CCDC186: variants seen among roughly 807,000 people sequenced by gnomAD.
CCDC186 encodes the protein coiled-coil domain containing 186, also known as coiled-coil domain-containing protein 186.
Under a neutral mutation model 113.7 loss-of-function variants are expected in CCDC186, and 49 were observed. That is an observed-to-expected ratio of 0.43 (90% CI 0.34 to 0.55). The LOEUF is 0.55. CCDC186 is among the 20% of genes least tolerant of loss of function. CCDC186 has a pLI of 0.02. For missense variants in CCDC186, 890 were observed against 1,011.1 expected, an observed-to-expected ratio of 0.88 and a Z score of 1.62; for synonymous variants, 355 against 345.8, an observed-to-expected ratio of 1.03 and a Z score of -0.30.
In CCDC186 at chr10:114,124,701, T is replaced by G. The variant is rs1412129994; in HGVS notation, c.*442A>C. On this transcript the variant is annotated 3_prime_UTR_variant, in exon 16 of 16. Transcript: ENST00000369287. Reference sequence around the variant, plus strand: ...GCTGGAGTGTAAAAATAAACATTTTTATCATTTGTTTTAGTTGTCTTGATG... The same window carrying G: ...GCTGGAGTGTAAAAATAAACATTTTGATCATTTGTTTTAGTTGTCTTGATG... The G allele has an allele frequency of 6.5e-6, 1 of 153,072 alleles. No individual in the cohort carries two copies. The highest frequency in any genetic ancestry group is 2.4e-5 in the African/African-American group (1 of 41,518). 9.5% of individuals were successfully genotyped at this position (153,072 alleles called of 1,614,324 possible). A position where few individuals can be genotyped will look rare whatever the true frequency, so the allele number is the denominator to read the frequency against.
chr10:114,138,306 TTTTTG>T (rs1442284593), intron 6 of CCDC186, among the ~76,000 whole-genome samples: 6 of 20,058 alleles, frequency 3.0e-4, no homozygotes, highest in Admixed American at 7.1e-4. Flanking sequence ...TTTTTTTTTT[TTTTTG>T]GAGACAGCGT....
Position 114,144,477 on chromosome 10 carries a change from CA to C in CCDC186, c.1221+19del. 6.3e-7 allele frequency: 1 copy of C among 1,585,682 alleles called. No homozygotes were observed. The highest frequency in any genetic ancestry group is 1.9e-5 in the Admixed American group (1 of 52,852). On this transcript the variant is annotated intron_variant, in intron 6 of 15. Transcript: ENST00000369287. ...AAAAAACTCATTCTAATCATTATTC[CA>C]TTGTATTACAGTACGTACCTTGTGT... is the stretch of plus-strand genomic sequence containing the variant.
chr10:114,137,115 T>TA (rs1242843017), intron 7 of CCDC186, 71 bp downstream of exon 7: 2 of 1,221,684 alleles, frequency 1.6e-6, no homozygotes, highest in African/African-American at 1.5e-5. Flanking sequence ...AGACTCCATC[T>TA]AAAAAAAGAA....
chr10:114,138,337 A>T (rs1169168818), intron 6 of CCDC186, among the ~76,000 whole-genome samples: 2 of 134,880 alleles, frequency 1.5e-5, no homozygotes, highest in East Asian at 4.8e-4. Context: ...TCTGTCACTC[A>T]GGCTTGAGTA....
At chr10:114,152,177 C>A (rs2031876237) in intron 3 of CCDC186, among the ~76,000 whole-genome samples, 1 of 151,964 alleles carries the variant, frequency 6.6e-6, no homozygotes, top group African/African-American at 2.4e-5. Context: ...CCAATCTCTA[C>A]AAAAAATTTT....
At chr10:114,169,802 C>T (rs80221713) in intron 1 of CCDC186, among the ~76,000 whole-genome samples, 3,740 of 152,270 alleles carry the variant, frequency 0.025, 159 homozygotes, top group African/African-American at 0.085. Flanking sequence ...AACGCATCCA[C>T]ACAGTTCAAT....
chr10:114,148,999 T>C (rs2031730661), intron 4 of CCDC186, among the ~76,000 whole-genome samples: 1 of 152,240 alleles, frequency 6.6e-6, no homozygotes, highest in Admixed American at 6.5e-5. Flanking sequence ...CAAGTGTTCA[T>C]TTTACTAATC....
At chr10:114,156,910 A>G (rs1037582817) in intron 3 of CCDC186, among the ~76,000 whole-genome samples, 1 of 152,172 alleles carries the variant, frequency 6.6e-6, no homozygotes, top group Non-Finnish European at 1.5e-5. Flanking sequence ...ATAAACTTTT[A>G]TATTTCCATT....
In CCDC186 at chr10:114,145,656, G is replaced by C. The variant is rs755942104; in HGVS notation, c.994C>G (p.Leu332Val). Residue 332 changes from leucine to valine, a missense_variant, in exon 5 of 16, where the codon CTT becomes GTT. By Grantham distance (32) the Leu-to-Val change is conservative (BLOSUM62 1). Coordinates refer to ENST00000369287, the MANE Select transcript of CCDC186 (RefSeq NM_018017.4). ...TTTGCATCTCTAAGTTTTTTCTCAAGTGTCTCTTTTTCCTTTCGAAGATCT... is the reference window on the plus strand; with the variant it reads ...TTTGCATCTCTAAGTTTTTTCTCAACTGTCTCTTTTTCCTTTCGAAGATCT... ...SLDLRKEKET[L>V]EKKLRDANKE... 6 of 1,613,210 alleles carry C rather than the reference G, an allele frequency of 3.7e-6. No individual in the cohort carries two copies. In the East Asian group the frequency reaches 1.3e-4, roughly 36 times the overall value.
At chr10:114,137,911 C>T (rs541381996) in intron 6 of CCDC186, among the ~76,000 whole-genome samples, 1 of 152,002 alleles carries the variant, frequency 6.6e-6, no homozygotes, top group African/African-American at 2.4e-5. Context: ...TGGCGCATGC[C>T]TGTAACCTCA....
rs2032210923 is a variant in CCDC186 at position 114,162,703 on chromosome 10, T to G, written c.566A>C (p.His189Pro). 6.2e-7 allele frequency: 1 copy of G among 1,612,518 alleles called. No homozygotes were observed. The highest frequency in any genetic ancestry group is 1.3e-5 in the African/African-American group (1 of 74,950). ...ACACTTTTCAAACAGAACTAATGCATGTTCTCCCTTATTCATTCCATTTGG... is the reference window on the plus strand; with the variant it reads ...ACACTTTTCAAACAGAACTAATGCAGGTTCTCCCTTATTCATTCCATTTGG... The part of the protein sequence containing the change: ...RVPNGMNKGE[H>P]ALVLFEKCVQ... The change falls in exon 2 of 16, where the codon CAT becomes CCT. Residue 189 changes from histidine (H) to proline (P), a missense_variant. His to Pro is a moderately conservative substitution (Grantham distance 77). Transcript: ENST00000369287.
chr10:114,137,099 A>G, intron 7 of CCDC186, 87 bp downstream of exon 7: 1 of 971,436 alleles, frequency 1.0e-6, no homozygotes, highest in Non-Finnish European at 1.6e-6. Context: ...CCCGGGCGAC[A>G]GAGCGAGACT....
Position 114,162,986 on chromosome 10 carries a change from T to C in CCDC186, c.283A>G (p.Asn95Asp), listed in dbSNP as rs2032224505. Residue 95 changes from asparagine (N) to aspartate (D), a missense_variant, in exon 2 of 16, where the codon AAT (asparagine) becomes GAT (aspartate). Transcript: ENST00000369287. ...TTAGCAAAATTTCCACTAGGAAAAT[T>C]AGCTATTTGTTCAGAATTTTCTGAG... is the stretch of plus-strand genomic sequence containing the variant. Reference protein sequence around the residue: ...TGSENSEQIANFPSGNFAKHI... With the variant: ...TGSENSEQIADFPSGNFAKHI... 1.2e-6 allele frequency: 2 copies of C among 1,613,894 alleles called. No individual in the cohort carries two copies. The highest frequency in any genetic ancestry group is 1.3e-5 in the African/African-American group (1 of 74,932).
At position 114,163,072 on chromosome 10, in the gene CCDC186, T is replaced by C. The variant is rs1285832292; in HGVS notation, c.197A>G (p.Gln66Arg). 3.1e-6 allele frequency: 5 copies of C among 1,614,160 alleles called. No homozygotes were observed. Among genetic ancestry groups the C allele is most frequent in the Non-Finnish European group, 4.2e-6 (5 of 1,179,992 alleles). ...ACCATGATCTGGAATATAATTTTCCTGGGCTTCAATTCGATTATTATGCTC... is the reference window on the plus strand; with the variant it reads ...ACCATGATCTGGAATATAATTTTCCCGGGCTTCAATTCGATTATTATGCTC... ...PNEHNNRIEA[Q>R]ENYIPDHGGG... Residue 66 changes from glutamine to arginine, a missense_variant, in exon 2 of 16, where the codon CAG becomes CGG. Transcript: ENST00000369287.
chr10:114,129,527 A>G (rs1480766567), intron 13 of CCDC186, among the ~76,000 whole-genome samples: 1 of 152,086 alleles, frequency 6.6e-6, no homozygotes, highest in East Asian at 1.9e-4. Context: ...TTTTAAAATA[A>G]AAAATGCTAT....
chr10:114,145,762 C>T lies in CCDC186; in HGVS notation c.889-1G>A. ...GTGCCTCTTCACATTTCTTGTTGGC[C>T]TTCAAAAAAAATATTACTTAGCATT... is the stretch of plus-strand genomic sequence containing the variant. On this transcript the variant is annotated splice_acceptor_variant, in intron 4 of 15. Transcript: ENST00000369287. LOFTEE classifies it high-confidence loss of function. The T allele has an allele frequency of 6.4e-7, 1 of 1,570,394 alleles. No individual in the cohort carries two copies. Among genetic ancestry groups the T allele is most frequent in the Non-Finnish European group, 8.6e-7 (1 of 1,167,534 alleles).
At chr10:114,159,640 C>CAAAAAA (rs34339225) in intron 2 of CCDC186, among the ~76,000 whole-genome samples, 3 of 55,476 alleles carry the variant, frequency 5.4e-5, no homozygotes, top group Non-Finnish European at 7.4e-5. Context: ...GACTCCGTCT[C>CAAAAAA]AAAAAAAAAA....
intron 4 of CCDC186, among the ~76,000 whole-genome samples, chr10:114,148,435 T>A (rs1406722235): frequency 2.6e-5 from 4 of 152,252 alleles, no homozygotes; most frequent in Admixed American, 2.6e-4. Context: ...TTATCCACTG[T>A]AAGTAAGATG....
chr10:114,144,975 A>G (rs552484521), intron 5 of CCDC186, among the ~76,000 whole-genome samples: 1 of 151,886 alleles, frequency 6.6e-6, no homozygotes, highest in East Asian at 1.9e-4. Context: ...CTAATGAATT[A>G]AAAAAAAATT....
Sources: gnomAD v4.1 joint callset for allele counts (sites outside exome capture counted in the v4.1 genomes callset) on GRCh38, gnomAD v4.1.1 for gene constraint, MANE v1.5 for transcripts, NCBI Gene and HGNC (gene_info 2026-07-23, HGNC 2026-07-21) for gene names.